USP40: variants seen among roughly 807,000 people sequenced by gnomAD.
The protein encoded by USP40 is ubiquitin specific peptidase 40.
A neutral mutation model predicts 166.2 loss-of-function variants in USP40; 143 were observed. The ratio of observed to expected loss-of-function variants is 0.86; its 90% CI spans 0.75 to 0.99. The LOEUF (loss-of-function observed/expected upper bound fraction) is 0.99, where lower values mean the gene tolerates loss of function less well. Among genes scored for constraint, USP40 ranks in the 50% least tolerant of loss-of-function variants. The pLI is 0.00. For missense variants in USP40, 1,444 were observed against 1,479.7 expected (o/e 0.98, Z 0.40); for synonymous variants, 498 against 524.0 (o/e 0.95, Z 0.68).
At position 233,493,509 on chromosome 2, in the gene USP40, G is replaced by A. The variant is rs752218440; in HGVS notation, c.2833C>T (p.Pro945Ser). 4 of 1,613,528 alleles carry A rather than the reference G, an allele frequency of 2.5e-6. No homozygotes were observed. Among genetic ancestry groups the A allele is most frequent in the South Asian group, 1.1e-5 (1 of 90,978 alleles). ...VPIWWYQLQG[P>S]SGHWESHQDQ... ...TGATGACTCTCCCAGTGTCCTGAGG[G>A]ACCCTGAAGCTGGTACCACCAGATG... Residue 945 changes from proline to serine, a missense_variant, in exon 25 of 32, where the codon CCC becomes TCC. By Grantham distance (74) the Pro-to-Ser change is moderately conservative. Coordinates refer to ENST00000678225, the MANE Select transcript of USP40 (RefSeq NM_001365479.2). The surrounding 1 kb of genome is among the most constrained non-coding windows in gnomAD (Gnocchi z 4.7).
intron 18 of USP40, among the ~76,000 whole-genome samples, chr2:233,514,123 G>A (rs1027608714): frequency 6.6e-6 from 1 of 152,238 alleles, no homozygotes; most frequent in Non-Finnish European, 1.5e-5. Flanking sequence ...TACTTACTGT[G>A]TATTGGCTAC....
At chr2:233,547,593 T>G (rs932290036) in intron 8 of USP40, among the ~76,000 whole-genome samples, 2 of 152,238 alleles carry the variant, frequency 1.3e-5, no homozygotes, top group Non-Finnish European at 2.9e-5. Flanking sequence ...CATTACGGTT[T>G]GTGACTTACT....
chr2:233,560,281 T>C (rs1200873515), intron 3 of USP40, among the ~76,000 whole-genome samples: 1 of 152,132 alleles, frequency 6.6e-6, no homozygotes. Context: ...TTCCCCTCTG[T>C]AGAAATTTTC....
chr2:233,502,725 C>T (rs973391366), intron 21 of USP40, among the ~76,000 whole-genome samples: 5 of 151,954 alleles, frequency 3.3e-5, no homozygotes, highest in Non-Finnish European at 7.4e-5. Flanking sequence ...CACAAACACC[C>T]GTAACCTAGG....
At position 233,489,372 on chromosome 2, in the gene USP40, G is replaced by T. The variant is rs527240049; in HGVS notation, c.3124C>A (p.Pro1042Thr). 6.3e-7 allele frequency: 1 copy of T among 1,588,890 alleles called. No individual in the cohort carries two copies. Among genetic ancestry groups the T allele is most frequent in the South Asian group, 1.2e-5 (1 of 86,778 alleles). The stretch of plus-strand genomic sequence containing the variant: ...GTCCAGCAAGGAACCTACCTGAGTG[G>T]CTGCCGGTCAGTTCGTAAAAGCCTG... The part of the protein sequence containing the change: ...PGRLLRTDRQ[P>T]LREYKLGRRI... Residue 1042 changes from proline to threonine, a missense_variant, in exon 27 of 32, where the codon CCA becomes ACA. By Grantham distance (38) the Pro-to-Thr change is conservative. Transcript: ENST00000678225.
intron 30 of USP40, among the ~76,000 whole-genome samples, chr2:233,485,028 G>A (rs1009011227): frequency 2.0e-5 from 3 of 152,140 alleles, no homozygotes; most frequent in Non-Finnish European, 2.9e-5. Context: ...ATGTGCATCA[G>A]GTTAAGGCGT....
chr2:233,491,896 T>C (rs1435314500), intron 25 of USP40, among the ~76,000 whole-genome samples: 2 of 152,264 alleles, frequency 1.3e-5, no homozygotes, highest in African/African-American at 4.8e-5. Flanking sequence ...TCTTCACTTA[T>C]TTTTGCCTTA....
At chr2:233,507,630 A>AAT (rs1208001706) in intron 21 of USP40, among the ~76,000 whole-genome samples, 2 of 152,042 alleles carry the variant, frequency 1.3e-5, no homozygotes, top group African/African-American at 4.8e-5. Flanking sequence ...AAAAAAAAAA[A>AAT]AAAGAGTTGA....
chr2:233,480,923 G>T lies in USP40; in HGVS notation c.3599+280C>A, dbSNP rs2064535711. 6.6e-6 allele frequency among the ~76,000 whole-genome samples: 1 copy of T among 152,180 alleles called. No homozygotes were observed. Among genetic ancestry groups the T allele is most frequent in the African/African-American group, 2.4e-5 (1 of 41,428 alleles). ...CCAGGCAGAGGGTGAGGCTGCGGGT[G>T]AGGAGGAAGGAGGGGGACCGGGGGG... On this transcript the variant is annotated intron_variant, in intron 31 of 31. Transcript: ENST00000678225. This position sits in a 1 kb window ranked among gnomAD's most constrained non-coding sequence, Gnocchi z 4.5.
intron 15 of USP40, among the ~76,000 whole-genome samples, chr2:233,524,035 C>T (rs2067845368): frequency 6.6e-6 from 1 of 152,184 alleles, no homozygotes; most frequent in Non-Finnish European, 1.5e-5. Context: ...GTCTCCTTGG[C>T]GTACAACTAG....
chr2:233,543,362 G>A (rs553856487), intron 8 of USP40, among the ~76,000 whole-genome samples: 1 of 152,310 alleles, frequency 6.6e-6, no homozygotes, highest in Admixed American at 6.5e-5. Flanking sequence ...AACACACCAT[G>A]AGCTTGCAAG....
At chr2:233,531,781 C>G (rs751097070) in intron 11 of USP40, among the ~76,000 whole-genome samples, 2 of 152,186 alleles carry the variant, frequency 1.3e-5, no homozygotes, top group Non-Finnish European at 2.9e-5. Context: ...ATTCTCATCT[C>G]TAATAATAGA....
chr2:233,528,696 C>T (rs974148643), intron 12 of USP40, among the ~76,000 whole-genome samples: 2 of 151,858 alleles, frequency 1.3e-5, no homozygotes, highest in Non-Finnish European at 1.5e-5. Context: ...TTTCTTTGCT[C>T]GTGTCATTCA....
chr2:233,494,979 T>TAC lies in USP40; in HGVS notation c.2791-1430_2791-1429dup, dbSNP rs1553558238. On this transcript the variant is annotated intron_variant, in intron 24 of 31. Coordinates refer to ENST00000678225, the MANE Select transcript of USP40 (RefSeq NM_001365479.2). Reference sequence around the variant, plus strand: ...ATTTATATATATATATATATATATATACACACACATAAAAAATAAATAAAT... The same window carrying TAC: ...ATTTATATATATATATATATATATATACACACACACATAAAAAATAAATAAAT... 7.2e-3 allele frequency among the ~76,000 whole-genome samples: 541 copies of TAC among 74,856 alleles called. 3 individuals carry two copies. The highest frequency in any genetic ancestry group is 0.026 in the South Asian group (69 of 2,662). The allele number at this position is 74,856 out of a possible 152,430, so 49.1% of individuals were successfully genotyped here. A position where few individuals can be genotyped will look rare whatever the true frequency, so the allele number is the denominator to read the frequency against.
chr2:233,556,877 C>G lies in USP40; in HGVS notation c.524G>C (p.Cys175Ser). The change falls in exon 5 of 32, where the codon TGT becomes TCT. Residue 175 changes from cysteine (C) to serine (S), a missense_variant. Coordinates refer to ENST00000678225, the MANE Select transcript of USP40 (RefSeq NM_001365479.2). ...TACCTGCCTCTCGCTAACGTTCTTACATTCTTTACAAACAATCTGGTTAAC... is the reference window on the plus strand; with the variant it reads ...TACCTGCCTCTCGCTAACGTTCTTAGATTCTTTACAAACAATCTGGTTAAC... The part of the protein sequence containing the change: ...TIVNQIVCKE[C>S]KNVSERQEDF... 1 of 1,611,484 alleles carries G rather than the reference C, an allele frequency of 6.2e-7. No homozygotes were observed. The highest frequency in any genetic ancestry group is 8.5e-7 in the Non-Finnish European group (1 of 1,179,252).
intron 22 of USP40, 43 bp downstream of exon 22, chr2:233,499,836 T>A (rs778421171): frequency 5.7e-6 from 9 of 1,575,488 alleles, no homozygotes; most frequent in Non-Finnish European, 6.9e-6. Flanking sequence ...AAAAAATTTT[T>A]ATTAGGCTTT....
At position 233,521,076 on chromosome 2, in the gene USP40, T is replaced by C. The variant is rs1431960919; in HGVS notation, c.2240A>G (p.Asn747Ser). 4 of 1,610,836 alleles carry C rather than the reference T, an allele frequency of 2.5e-6. No individual in the cohort carries two copies. The African/African-American group carries it at 4.0e-5, about 16-fold the overall frequency. ...TKEEKWVTSM[N>S]EIDWLHVKNL... ...TTTAACGTGGAGCCAGTCAATCTCA[T>C]TCATACTAGTGACCCATTTCTCTTC... The change falls in exon 17 of 32, where the codon AAT becomes AGT. Residue 747 changes from asparagine to serine, a missense_variant. Coordinates refer to ENST00000678225, the MANE Select transcript of USP40 (RefSeq NM_001365479.2).
intron 23 of USP40, 112 bp from the exon 24 acceptor site, chr2:233,496,944 A>T: frequency 2.8e-6 from 2 of 716,420 alleles, no homozygotes; most frequent in South Asian, 4.0e-5. Context: ...AATGAATAAT[A>T]AAGCAGATAT....
At chr2:233,557,767 C>T (rs1309876171) in intron 4 of USP40, among the ~76,000 whole-genome samples, 2 of 152,064 alleles carry the variant, frequency 1.3e-5, no homozygotes, top group Non-Finnish European at 2.9e-5. Flanking sequence ...AGGGATGTCA[C>T]TGTTGACTTC....
Sources: gnomAD v4.1 joint callset for allele counts (sites outside exome capture counted in the v4.1 genomes callset) on GRCh38, gnomAD v4.1.1 for gene constraint, Gnocchi (gnomAD v3.1) non-coding constraint, MANE v1.5 for transcripts, NCBI Gene and HGNC (gene_info 2026-07-23, HGNC 2026-07-21) for gene names.